Variants in SACS observed in about 807,000 individuals in gnomAD.
SACS encodes the protein sacsin.
Under a neutral mutation model 348.0 loss-of-function variants are expected in SACS, and 197 were observed. That is an observed-to-expected ratio of 0.57 (90% CI 0.50 to 0.64). The LOEUF (loss-of-function observed/expected upper bound fraction) is 0.64. Among genes scored for constraint, SACS ranks in the 30% least tolerant of loss-of-function variants. The pLI, the probability that SACS is intolerant of heterozygous loss-of-function variation, is 0.00. For synonymous variants in SACS, 1,985 were observed against 1,910.6 expected (o/e 1.04, Z -1.02); for missense variants, 4,999 against 5,360.8 (o/e 0.93, Z 2.11).
In SACS at chr13:23,334,655, TCA is replaced by T. The variant is rs1868408180; in HGVS notation, c.9219_9220del (p.Cys3073Ter). On this transcript the variant is annotated stop_gained and frameshift_variant, in exon 10 of 10. Transcript: ENST00000382292. LOFTEE classifies it high-confidence loss of function. ...ACAGTGGTAAAGATTAGCAGTTTCA[TCA>T]CAGTTATAAACCAAGTTGAAACCAA... The T allele has an allele frequency of 6.2e-7, 1 of 1,613,558 alleles. No individual in the cohort carries two copies. Among genetic ancestry groups the T allele is most frequent in the Non-Finnish European group, 8.5e-7 (1 of 1,179,638 alleles).
intron 2 of SACS, among the ~76,000 whole-genome samples, chr13:23,406,797 A>T (rs1030778323): frequency 6.6e-6 from 1 of 152,226 alleles, no homozygotes; most frequent in Admixed American, 6.5e-5. Context: ...AATCTAATGA[A>T]ACCAGACATT....
chr13:23,421,665 G>A (rs1284897931), intron 1 of SACS, among the ~76,000 whole-genome samples: 1 of 152,174 alleles, frequency 6.6e-6, no homozygotes, highest in East Asian at 1.9e-4. Context: ...GTGTCCACCT[G>A]GGGCCTGATG....
Position 23,335,251 on chromosome 13 carries a change from CAAAG to C in SACS, c.8621_8624del (p.Ser2874TrpfsTer9), listed in dbSNP as rs753012964. On this transcript the variant is annotated frameshift_variant, in exon 10 of 10. Coordinates refer to ENST00000382292, the MANE Select transcript of SACS (RefSeq NM_014363.6). LOFTEE classifies it high-confidence loss of function. This position sits in a 1 kb window ranked among gnomAD's most constrained non-coding sequence, Gnocchi z 4.7. Reference sequence around the variant, plus strand: ...TCACATGAAATGGCAGCCCAGTCTCCAAAGAAAGAGGCAAAAAACAGAAGGCCCT... The same window carrying C: ...TCACATGAAATGGCAGCCCAGTCTCCAAAGAGGCAAAAAACAGAAGGCCCT... 3.1e-6 allele frequency: 5 copies of C among 1,613,848 alleles called. No homozygotes were observed. Among genetic ancestry groups the C allele is most frequent in the South Asian group, 2.2e-5 (2 of 91,078 alleles).
At chr13:23,348,003 A>G (rs1358976144) in intron 9 of SACS, among the ~76,000 whole-genome samples, 1 of 152,204 alleles carries the variant, frequency 6.6e-6, no homozygotes, top group Admixed American at 6.5e-5. Context: ...ATAAATAAGT[A>G]TGAAAATTTT....
At chr13:23,400,043 G>A (rs558173455) in intron 2 of SACS, among the ~76,000 whole-genome samples, 1 of 152,296 alleles carries the variant, frequency 6.6e-6, no homozygotes, top group East Asian at 1.9e-4. Flanking sequence ...TGACTGCCAA[G>A]CCACATTTTG....
chr13:23,423,173 T>G (rs538044783), intron 1 of SACS, among the ~76,000 whole-genome samples: 1 of 152,270 alleles, frequency 6.6e-6, no homozygotes, highest in African/African-American at 2.4e-5. Flanking sequence ...TTAAACAACT[T>G]CCAAGCAGAC....
chr13:23,362,581 C>CTT lies in SACS; in HGVS notation c.457+2583_457+2584dup, dbSNP rs34351648. On this transcript the variant is annotated intron_variant, in intron 6 of 9. Transcript: ENST00000382292. ...CCACCTGCTTTTATATAATACATTC[C>CTT]TTTTTTTTTTTTTTTTTTTTTTGAG... Among the ~76,000 whole-genome samples, 499 of 111,892 alleles carry CTT rather than the reference C, an allele frequency of 4.5e-3. 1 individual carries two copies. The highest frequency in any genetic ancestry group is 0.011 in the Middle Eastern group (2 of 180). 73.4% of individuals were successfully genotyped at this position (111,892 alleles called of 152,430 possible). A position where few individuals can be genotyped will look rare whatever the true frequency, so the allele number is the denominator to read the frequency against.
Position 23,334,334 on chromosome 13 carries a change from A to C in SACS, c.9542T>G (p.Ile3181Ser), listed in dbSNP as rs758376452. The C allele has an allele frequency of 1.9e-6, 3 of 1,611,444 alleles. No individual in the cohort carries two copies. The highest frequency in any genetic ancestry group is 2.5e-6 in the Non-Finnish European group (3 of 1,178,556). The change falls in exon 10 of 10, where the codon ATT becomes AGT. Residue 3181 changes from isoleucine (I) to serine (S), a missense_variant. Transcript: ENST00000382292. Reference sequence around the variant, plus strand: ...CATAAACAAGTCTTTGCGGGATGGAATCAATTCATGATATGTTGTTAGAAA... The same window carrying C: ...CATAAACAAGTCTTTGCGGGATGGACTCAATTCATGATATGTTGTTAGAAA... ...PKFLTTYHEL[I>S]PSRKDLFMNT...
chr13:23,408,292 T>C (rs1359822152), intron 2 of SACS, among the ~76,000 whole-genome samples: 1 of 152,064 alleles, frequency 6.6e-6, no homozygotes, highest in Admixed American at 6.6e-5. Flanking sequence ...TGGGGCAGTT[T>C]CCCCAAATCT....
intron 9 of SACS, among the ~76,000 whole-genome samples, chr13:23,350,153 G>A (rs1869861986): frequency 6.6e-6 from 1 of 152,154 alleles, no homozygotes; most frequent in Non-Finnish European, 1.5e-5. Context: ...GGGAGATCAG[G>A]TAAAAGAAAC....
chr13:23,340,495 T>C lies in SACS; in HGVS notation c.3381A>G (p.Lys1127=). The C allele has an allele frequency of 1.2e-6, 2 of 1,611,740 alleles. No individual in the cohort carries two copies. Among genetic ancestry groups the C allele is most frequent in the Non-Finnish European group, 1.7e-6 (2 of 1,179,152 alleles). ...ACPDQDVLLK[K]AKTLLLVLNK... ...TTAAAACCAGTAAGAGGGTTTTGGC[T>C]TTCTTCAGAAGAACATCTTGATCAG... The change falls in exon 10 of 10, where the codon AAA becomes AAG. Residue 1127 remains lysine (K), a synonymous_variant. Transcript: ENST00000382292.
At chr13:23,376,724 A>G (rs1375350260) in intron 2 of SACS, among the ~76,000 whole-genome samples, 1 of 152,200 alleles carries the variant, frequency 6.6e-6, no homozygotes, top group African/African-American at 2.4e-5. Flanking sequence ...GTGATTCAGT[A>G]TAAAGACAAG....
At position 23,339,942 on chromosome 13, in the gene SACS, C is replaced by A. The variant is rs1440775963; in HGVS notation, c.3934G>T (p.Ala1312Ser). Residue 1312 changes from alanine to serine, a missense_variant, in exon 10 of 10, where the codon GCA (alanine) becomes TCA (serine). By Grantham distance (99) the Ala-to-Ser change is moderately conservative (BLOSUM62 1). Around this residue, in one of 6 missense-constraint regions of SACS, gnomAD observed 3,156 missense variants for 3,380.1 expected, o/e 0.93. Transcript: ENST00000382292. ...PYLHNVPKTMAKFHQLFKVCG... is the reference protein window; with the variant it reads ...PYLHNVPKTMSKFHQLFKVCG... ...ACCTTAAATAGTTGGTGGAATTTTGCCATGGTTTTAGGTACATTATGCAAA... is the reference window on the plus strand; with the variant it reads ...ACCTTAAATAGTTGGTGGAATTTTGACATGGTTTTAGGTACATTATGCAAA... The A allele has an allele frequency of 1.9e-6, 3 of 1,613,942 alleles. No individual in the cohort carries two copies. The highest frequency in any genetic ancestry group is 2.5e-6 in the Non-Finnish European group (3 of 1,179,966).
chr13:23,429,206 ATAT>A (rs958438772), intron 1 of SACS, among the ~76,000 whole-genome samples: 4 of 152,106 alleles, frequency 2.6e-5, no homozygotes, highest in Admixed American at 2.6e-4. Flanking sequence ...ATCTTAATTG[ATAT>A]TATCTAATAA....
intron 2 of SACS, among the ~76,000 whole-genome samples, chr13:23,406,611 C>T (rs1873228056): frequency 6.6e-6 from 1 of 152,100 alleles, no homozygotes; most frequent in African/African-American, 2.4e-5. Flanking sequence ...CTTCTCTTAC[C>T]ATGAATTCGT....
chr13:23,331,568 G>A lies in SACS; in HGVS notation c.12308C>T (p.Ala4103Val). ...SKDINFLLAL[A>V]MTLKSATDNL... ...GTCAGTTGCTGATTTAAGAGTCATT[G>A]CCAATGCTAACAGGAAATTAATGTC... is the stretch of plus-strand genomic sequence containing the variant. Residue 4103 changes from alanine to valine, a missense_variant, in exon 10 of 10, where the codon GCA (alanine) becomes GTA (valine). Ala to Val is a moderately conservative substitution (Grantham distance 64). This residue lies in a region of SACS where 831 missense variants were observed against 941.8 expected (regional missense o/e 0.88). Transcript: ENST00000382292. 1.2e-6 allele frequency: 2 copies of A among 1,613,846 alleles called. No individual in the cohort carries two copies. Among genetic ancestry groups the A allele is most frequent in the Non-Finnish European group, 1.7e-6 (2 of 1,179,840 alleles).
Position 23,335,977 on chromosome 13 carries a change from T to C in SACS, c.7899A>G (p.Thr2633=). 1 of 1,613,042 alleles carries C rather than the reference T, an allele frequency of 6.2e-7. No homozygotes were observed. Among genetic ancestry groups the C allele is most frequent in the Non-Finnish European group, 8.5e-7 (1 of 1,179,084 alleles). Residue 2633 remains threonine (T), a synonymous_variant, in exon 10 of 10, where the codon ACA becomes ACG. Coordinates refer to ENST00000382292, the MANE Select transcript of SACS (RefSeq NM_014363.6). The surrounding 1 kb of genome is among the most constrained non-coding windows in gnomAD (Gnocchi z 4.7). ...GIGFNSVYHI[T]DCPSFISGND... ...TGCCAGAAATAAAAGATGGGCAGTC[T>C]GTGATATGATACACAGAATTGAATC...
chr13:23,338,651 C>G lies in SACS; in HGVS notation c.5225G>C (p.Cys1742Ser). ...GGGAAGCTTTTTATTACTGCTGCTG[C>G]AAGTCTTCATGAGCTTAGCAGCCTC... Reference protein sequence around the residue: ...LKEAAKLMKTCSSSNKKLPSD... With the variant: ...LKEAAKLMKTSSSSNKKLPSD... Residue 1742 changes from cysteine to serine, a missense_variant, in exon 10 of 10, where the codon TGC becomes TCC. By Grantham distance (112) the Cys-to-Ser change is moderately radical. Around this residue, in one of 6 missense-constraint regions of SACS, gnomAD observed 3,156 missense variants for 3,380.1 expected, o/e 0.93. Transcript: ENST00000382292. 6.2e-7 allele frequency: 1 copy of G among 1,614,132 alleles called. No individual in the cohort carries two copies. Among genetic ancestry groups the G allele is most frequent in the Non-Finnish European group, 8.5e-7 (1 of 1,180,012 alleles).
intron 5 of SACS, among the ~76,000 whole-genome samples, chr13:23,366,082 C>A (rs1238155263): frequency 4.6e-5 from 7 of 152,138 alleles, no homozygotes; most frequent in Non-Finnish European, 7.4e-5. Flanking sequence ...CTAGATCCAA[C>A]CCCATGATCA....
Sources: gnomAD v4.1 joint callset for allele counts (sites outside exome capture counted in the v4.1 genomes callset) on GRCh38, gnomAD v4.1.1 for gene constraint, gnomAD v4.1.1 regional missense constraint, Gnocchi (gnomAD v3.1) non-coding constraint, MANE v1.5 for transcripts, NCBI Gene and HGNC (gene_info 2026-07-23, HGNC 2026-07-21) for gene names.